The following SLC11A2 variants were observed in gnomAD, a reference collection of about 807,000 sequenced individuals.
SLC11A2 encodes the protein solute carrier family 11 member 2.
A neutral mutation model predicts 68.0 loss-of-function variants in SLC11A2; 38 were observed. The ratio of observed to expected loss-of-function variants is 0.56; its 90% confidence interval spans 0.43 to 0.73. The LOEUF (loss-of-function observed/expected upper bound fraction) is 0.73, where lower values mean the gene tolerates loss of function less well. Among genes scored for constraint, SLC11A2 ranks in the 30% least tolerant of loss-of-function variants. The probability of loss-of-function intolerance (pLI) is 0.00; values close to 1 mark genes in which losing one functional copy is unlikely to be tolerated. For missense variants in SLC11A2, 517 were observed against 690.5 expected, an observed-to-expected ratio of 0.75 and a Z score of 2.82; for synonymous variants, 242 against 250.6, an observed-to-expected ratio of 0.97 and a Z score of 0.32.
intron 6 of SLC11A2, chr12:50,999,622 C>T: frequency 1.7e-6 from 1 of 591,002 alleles, no homozygotes; most frequent in Non-Finnish European, 3.0e-6. Flanking sequence ...TGAGAGTCTA[C>T]TATGTCACTC....
upstream of SLC11A2, among the ~76,000 whole-genome samples, chr12:51,026,742 T>C (rs1309986812): frequency 6.6e-6 from 1 of 152,002 alleles, no homozygotes; most frequent in Admixed American, 6.5e-5. Flanking sequence ...CTGTAAAGGG[T>C]AGCCAGGCCA....
chr12:51,016,108 G>C (rs1297009348), intron 1 of SLC11A2, among the ~76,000 whole-genome samples: 1 of 151,680 alleles, frequency 6.6e-6, no homozygotes, highest in Non-Finnish European at 1.5e-5. Context: ...TCTAACAAAA[G>C]TTGTAAGACT....
intron 1 of SLC11A2, among the ~76,000 whole-genome samples, chr12:51,025,219 A>G (rs886668448): frequency 1.3e-5 from 2 of 152,214 alleles, no homozygotes; most frequent in Non-Finnish European, 2.9e-5. Flanking sequence ...CTGAGCAAAG[A>G]ATAAGTAATA....
chr12:50,993,801 C>A (rs571746768), intron 11 of SLC11A2, among the ~76,000 whole-genome samples: 110 of 151,478 alleles, frequency 7.3e-4, no homozygotes, highest in African/African-American at 2.6e-3. Flanking sequence ...GCACTCCAGC[C>A]TGGGCAACAA....
chr12:51,024,786 AT>A (rs1456746108), intron 1 of SLC11A2: 1 of 152,236 alleles, frequency 6.6e-6, no homozygotes, highest in East Asian at 1.9e-4. Context: ...ATTTCCTAAC[AT>A]TAGAGTAAGA....
intron 1 of SLC11A2, among the ~76,000 whole-genome samples, chr12:51,020,903 G>A (rs571929051): frequency 9.2e-5 from 14 of 151,930 alleles, no homozygotes; most frequent in Admixed American, 4.6e-4. Flanking sequence ...CAGCCTGGGC[G>A]ACATAGTGAG....
downstream of SLC11A2, among the ~76,000 whole-genome samples, chr12:50,976,034 C>T (rs539492366): frequency 1.5e-4 from 23 of 152,216 alleles, no homozygotes; most frequent in South Asian, 1.0e-3. Context: ...CAGGACCAGA[C>T]GGATTCACAG....
chr12:51,025,739 G>A, intron 1 of SLC11A2: 1 of 985,372 alleles, frequency 1.0e-6, no homozygotes, highest in Non-Finnish European at 1.2e-6. Flanking sequence ...GGGTCCCTGA[G>A]AGCTACACAA....
chr12:50,996,781 T>G, intron 9 of SLC11A2, 36 bp downstream of exon 9: 1 of 1,606,404 alleles, frequency 6.2e-7, no homozygotes, highest in African/African-American at 1.3e-5. Context: ...TCCCATGAAC[T>G]GTCTAGGAGG....
downstream of SLC11A2, among the ~76,000 whole-genome samples, chr12:50,975,656 A>G (rs1939838202): frequency 6.6e-6 from 1 of 152,134 alleles, no homozygotes; most frequent in Admixed American, 6.6e-5. Context: ...AGAACTGAAG[A>G]AGATAGAGAC....
At position 50,986,351 on chromosome 12, in the gene SLC11A2, T is replaced by C; in HGVS notation, c.*1974A>G. 7.8e-7 allele frequency: 1 copy of C among 1,282,602 alleles called. No individual in the cohort carries two copies. Among genetic ancestry groups the C allele is most frequent in the Middle Eastern group, 3.3e-4 (1 of 3,056 alleles). 79.5% of individuals were successfully genotyped at this position (1,282,602 alleles called of 1,614,324 possible). ...CACTTTCTGTGAAGATCAAATGCAA[T>C]AACGTATGAGGGTATTTTTAACACT... On this transcript the variant is annotated 3_prime_UTR_variant, in exon 16 of 16. Transcript: ENST00000262052.
At chr12:50,964,565 G>A in the SLC11A2 span, among the ~76,000 whole-genome samples, 2 of 152,210 alleles carry the variant, frequency 1.3e-5, no homozygotes, top group African/African-American at 4.8e-5. Flanking sequence ...GGTCCCTGCA[G>A]ACTAGATTAT....
upstream of SLC11A2, chr12:51,028,218 T>C: frequency 6.5e-7 from 1 of 1,535,508 alleles, no homozygotes; most frequent in Non-Finnish European, 8.7e-7. Flanking sequence ...CAGCTGCTTC[T>C]TCCTCATGGT....
At chr12:50,974,429 A>G (rs1939822220), downstream of SLC11A2, among the ~76,000 whole-genome samples, 3 of 152,180 alleles carry the variant, frequency 2.0e-5, no homozygotes, top group South Asian at 6.2e-4. Context: ...CTTTACAGAC[A>G]AGCAAATGCT....
chr12:51,023,919 A>C (rs1592463570), intron 1 of SLC11A2, among the ~76,000 whole-genome samples: 1 of 150,878 alleles, frequency 6.6e-6, no homozygotes, highest in South Asian at 2.1e-4. Context: ...TGAGCCTGGG[A>C]GGTCAACCCT....
At chr12:50,984,955 T>C (rs1342953173), downstream of SLC11A2, among the ~76,000 whole-genome samples, 1 of 152,190 alleles carries the variant, frequency 6.6e-6, no homozygotes, top group African/African-American at 2.4e-5. Context: ...GTTCTGGAGT[T>C]AAGCTATGCG....
In SLC11A2 at chr12:50,992,849, G is replaced by A. The variant is rs981922376; in HGVS notation, c.1158C>T (p.Ser386=). The A allele has an allele frequency of 6.2e-7, 1 of 1,614,002 alleles. No homozygotes were observed. The highest frequency in any genetic ancestry group is 8.5e-7 in the Non-Finnish European group (1 of 1,180,000). The change falls in exon 12 of 16, where the codon TCC becomes TCT. Residue 386 remains serine (S), a synonymous_variant. Coordinates refer to ENST00000262052, the MANE Select transcript of SLC11A2 (RefSeq NM_000617.3). The part of the protein sequence containing the change: ...AVGILAAGQS[S]TMTGTYSGQF... ...GGCCAGAATAGGTTCCTGTCATGGT[G>A]GAGCTCTGTCCTGCAGCCAGGATCC... is the stretch of plus-strand genomic sequence containing the variant.
At chr12:51,025,411 C>T (rs1048224626) in intron 1 of SLC11A2, among the ~76,000 whole-genome samples, 2 of 152,218 alleles carry the variant, frequency 1.3e-5, no homozygotes, top group East Asian at 1.9e-4. Context: ...AGGCAAACAA[C>T]ATGCTCAAAG....
intron 11 of SLC11A2, among the ~76,000 whole-genome samples, chr12:50,993,435 G>A (rs563345244): frequency 2.0e-4 from 31 of 152,232 alleles, no homozygotes; most frequent in African/African-American, 7.0e-4. Flanking sequence ...GCTCACGCTT[G>A]TAATCCCAGC....
Sources: allele counts gnomAD v4.1 joint callset (sites outside exome capture counted in the v4.1 genomes callset), GRCh38; gene constraint gnomAD v4.1.1; transcripts MANE v1.5; gene names NCBI Gene and HGNC (gene_info 2026-07-23, HGNC 2026-07-21).